The following IL23R variants were observed in gnomAD, a reference collection of about 807,000 sequenced individuals.
The protein encoded by IL23R is interleukin-23 receptor.
IL23R carries 34 observed loss-of-function variants against 56.9 expected under a neutral mutation model. That is an observed-to-expected ratio of 0.60 (90% CI 0.45 to 0.80). The LOEUF (loss-of-function observed/expected upper bound fraction) is 0.80, where lower values mean the gene tolerates loss of function less well. Among genes scored for constraint, IL23R ranks in the 30% least tolerant of loss-of-function variants. The pLI is 0.00. For synonymous variants in IL23R, 230 were observed against 249.2 expected (o/e 0.92, Z 0.73); for missense variants, 635 against 730.0 (o/e 0.87, Z 1.50).
At chr1:67,243,560 T>G (rs1651997423) in intron 9 of IL23R, among the ~76,000 whole-genome samples, 1 of 152,082 alleles carries the variant, frequency 6.6e-6, no homozygotes, top group Admixed American at 6.5e-5. Context: ...ACATGTGGTG[T>G]TTGGTTTTCT....
chr1:67,239,758 C>T (rs563124564), intron 8 of IL23R, among the ~76,000 whole-genome samples: 2 of 152,078 alleles, frequency 1.3e-5, no homozygotes, highest in African/African-American at 4.8e-5. Context: ...TGACAAATTG[C>T]ACACATTCTA....
chr1:67,250,957 T>G (rs570827333), intron 9 of IL23R, among the ~76,000 whole-genome samples: 1 of 152,288 alleles, frequency 6.6e-6, no homozygotes, highest in South Asian at 2.1e-4. Flanking sequence ...TTCTTGAGGT[T>G]CCATGAGGAA....
At chr1:67,209,949 T>G (rs772768028) in intron 6 of IL23R, among the ~76,000 whole-genome samples, 5 of 152,210 alleles carry the variant, frequency 3.3e-5, no homozygotes, top group Non-Finnish European at 7.3e-5. Flanking sequence ...TCAGTGATCA[T>G]GGATAAAAAA....
At chr1:67,261,377 C>T (rs997762467), downstream of IL23R, among the ~76,000 whole-genome samples, 2 of 144,940 alleles carry the variant, frequency 1.4e-5, no homozygotes, top group African/African-American at 5.1e-5. Flanking sequence ...TTTACTAAGG[C>T]CATTTTGCTC....
At chr1:67,168,695 T>C (rs1646902870) in intron 2 of IL23R, among the ~76,000 whole-genome samples, 1 of 152,204 alleles carries the variant, frequency 6.6e-6, no homozygotes, top group African/African-American at 2.4e-5. Flanking sequence ...GGGGTTCAGA[T>C]TCTACAGTGC....
At chr1:67,142,760 G>T (rs770726472) in intron 1 of IL23R, among the ~76,000 whole-genome samples, 63 of 152,158 alleles carry the variant, frequency 4.1e-4, no homozygotes, top group Non-Finnish European at 7.6e-4. Flanking sequence ...TAGAGATGGG[G>T]TTTCGCCATG....
Position 67,172,570 on chromosome 1 carries a change from A to T in IL23R, c.367+2932A>T, listed in dbSNP as rs923453688. 3.3e-5 allele frequency among the ~76,000 whole-genome samples: 5 copies of T among 152,326 alleles called. No homozygotes were observed. In the East Asian group the frequency reaches 7.7e-4, roughly 23 times the overall value. On this transcript the variant is annotated intron_variant, in intron 3 of 10. Coordinates refer to ENST00000347310, the MANE Select transcript of IL23R (RefSeq NM_144701.3). Reference sequence around the variant, plus strand: ...CACACCAATCATGGGATAAAATACAAGATGTCTTTATTCATTTAAAAATAC... The same window carrying T: ...CACACCAATCATGGGATAAAATACATGATGTCTTTATTCATTTAAAAATAC...
chr1:67,150,357 A>AC (rs1211169701), intron 1 of IL23R, among the ~76,000 whole-genome samples: 3 of 148,974 alleles, frequency 2.0e-5, no homozygotes, highest in Non-Finnish European at 3.0e-5. Flanking sequence ...GCAACTATCA[A>AC]CCCGTCATCT....
At chr1:67,205,607 C>T (rs1020755252) in intron 5 of IL23R, among the ~76,000 whole-genome samples, 1 of 152,160 alleles carries the variant, frequency 6.6e-6, no homozygotes, top group African/African-American at 2.4e-5. Context: ...AACTATATAC[C>T]TCCTACTATA....
intron 3 of IL23R, among the ~76,000 whole-genome samples, chr1:67,172,955 AAAG>A (rs753857851): frequency 6.6e-6 from 1 of 152,206 alleles, no homozygotes. Context: ...CTAGAAGTAC[AAAG>A]AAGAGGAAAT....
At chr1:67,154,275 A>G (rs532372673) in intron 1 of IL23R, among the ~76,000 whole-genome samples, 28 of 152,200 alleles carry the variant, frequency 1.8e-4, no homozygotes, top group Non-Finnish European at 3.8e-4. Flanking sequence ...TATTAGGTGC[A>G]CTTGATCTGG....
intron 1 of IL23R, among the ~76,000 whole-genome samples, chr1:67,143,124 T>C (rs1646653209): frequency 6.6e-6 from 1 of 152,116 alleles, no homozygotes; most frequent in South Asian, 2.1e-4. Context: ...AGGCTATGCA[T>C]GTGCTCCCCA....
intron 1 of IL23R, among the ~76,000 whole-genome samples, chr1:67,154,889 G>A (rs945731146): frequency 3.9e-5 from 6 of 152,130 alleles, no homozygotes; most frequent in Admixed American, 6.5e-5. Flanking sequence ...AGTGTCATTG[G>A]TCTTTATATT....
intron 7 of IL23R, among the ~76,000 whole-genome samples, chr1:67,232,964 C>G (rs988176780): frequency 2.0e-5 from 3 of 151,938 alleles, no homozygotes; most frequent in Non-Finnish European, 2.9e-5. Context: ...GTAAGACATG[C>G]CTGTTTCCCC....
intron 9 of IL23R, among the ~76,000 whole-genome samples, chr1:67,246,054 C>A (rs1652199115): frequency 6.6e-6 from 1 of 152,080 alleles, no homozygotes; most frequent in Non-Finnish European, 1.5e-5. Context: ...TGTATGTGTC[C>A]AGGAATTTAT....
At chr1:67,147,390 C>A (rs1449803407) in intron 1 of IL23R, among the ~76,000 whole-genome samples, 1 of 152,086 alleles carries the variant, frequency 6.6e-6, no homozygotes, top group Non-Finnish European at 1.5e-5. Flanking sequence ...AATATAAGCA[C>A]AATAGAAGGA....
At chr1:67,256,477 A>C (rs1039238579) in intron 10 of IL23R, among the ~76,000 whole-genome samples, 2 of 152,224 alleles carry the variant, frequency 1.3e-5, no homozygotes, top group Non-Finnish European at 2.9e-5. Context: ...CTGAGGGTAC[A>C]GGGACATTAC....
downstream of IL23R, among the ~76,000 whole-genome samples, chr1:67,263,233 C>T (rs574992582): frequency 6.7e-6 from 1 of 150,354 alleles, no homozygotes; most frequent in South Asian, 2.1e-4. Context: ...AGCAAGTGCA[C>T]ATCACCATAC....
At chr1:67,175,842 T>C (rs1647001206) in intron 3 of IL23R, among the ~76,000 whole-genome samples, 1 of 152,178 alleles carries the variant, frequency 6.6e-6, no homozygotes, top group Non-Finnish European at 1.5e-5. Flanking sequence ...GTCTCGTTTT[T>C]GAGACAAGGT....
Sources: gnomAD v4.1 joint callset for allele counts (sites outside exome capture counted in the v4.1 genomes callset) on GRCh38, gnomAD v4.1.1 for gene constraint, MANE v1.5 for transcripts, NCBI Gene and HGNC (gene_info 2026-07-23, HGNC 2026-07-21) for gene names.